Variants in CSMD1 observed in about 807,000 individuals in gnomAD.
CSMD1 encodes CUB and sushi domain-containing protein 1.
A neutral mutation model predicts 417.5 loss-of-function variants in CSMD1; 213 were observed. That is an observed-to-expected ratio of 0.51 (90% CI 0.46 to 0.57). CSMD1 has a LOEUF of 0.57. Among genes scored for constraint, CSMD1 ranks in the 20% least tolerant of loss-of-function variants. The pLI, the probability that CSMD1 is intolerant of heterozygous loss-of-function variation, is 0.00. For missense variants in CSMD1, 6,923 were observed against 4,529.7 expected (o/e 1.53, Z -15.17); for synonymous variants, 2,862 against 1,736.8 (o/e 1.65, Z -16.11).
At chr8:3,933,106 T>A (rs1810267118) in intron 5 of CSMD1, among the ~76,000 whole-genome samples, 1 of 148,996 alleles carries the variant, frequency 6.7e-6, no homozygotes, top group Non-Finnish European at 1.5e-5. Flanking sequence ...TTCCTCTTTA[T>A]ATATCTGGTT....
intron 5 of CSMD1, among the ~76,000 whole-genome samples, chr8:3,846,756 C>T (rs959320137): frequency 6.6e-6 from 1 of 152,124 alleles, no homozygotes; most frequent in Non-Finnish European, 1.5e-5. Context: ...TCACTGCAAC[C>T]TCTGCCTCTC....
At position 4,373,842 on chromosome 8, in the gene CSMD1, T is replaced by TTC. The variant is rs1236518433; in HGVS notation, c.415+46109_415+46110dup. Among the ~76,000 whole-genome samples, 12 of 152,314 alleles carry TTC rather than the reference T, an allele frequency of 7.9e-5. No homozygotes were observed. The East Asian group carries it at 2.3e-3, about 29-fold the overall frequency. ...AAGACAGTACTAGCCAAAGGAGCTT[T>TTC]TCTATGTATATGTATAATTCTTTCT... is the stretch of plus-strand genomic sequence containing the variant. On this transcript the variant is annotated intron_variant, in intron 3 of 69. Transcript: ENST00000635120.
chr8:3,124,118 A>G (rs1365604820), intron 41 of CSMD1, among the ~76,000 whole-genome samples: 1 of 152,214 alleles, frequency 6.6e-6, no homozygotes, highest in Non-Finnish European at 1.5e-5. Context: ...CTCAATGGCA[A>G]CAAAACAATT....
chr8:3,290,269 C>A (rs1447433659), intron 25 of CSMD1, among the ~76,000 whole-genome samples: 1 of 147,158 alleles, frequency 6.8e-6, no homozygotes, highest in Non-Finnish European at 1.5e-5. Context: ...GTGATGCCTC[C>A]AGCTTTGTTC....
chr8:4,512,862 G>C (rs549135553), intron 2 of CSMD1, among the ~76,000 whole-genome samples: 2 of 150,480 alleles, frequency 1.3e-5, no homozygotes, highest in Non-Finnish European at 3.0e-5. Context: ...CAGCTCTTTC[G>C]AACTTTAAAT....
intron 23 of CSMD1, among the ~76,000 whole-genome samples, chr8:3,331,237 C>CAAAAAAAAAAAAAAAAAAAAAAAAAAA (rs112278319): frequency 1.2e-4 from 16 of 128,510 alleles, no homozygotes; most frequent in African/African-American, 4.5e-4. Flanking sequence ...GACTCCGTCT[C>CAAAAAAAAAAAAAAAAAAAAAAAAAAA]AAAAAAAAAA....
chr8:3,514,395 C>G (rs1411783477), intron 10 of CSMD1, among the ~76,000 whole-genome samples: 5 of 152,168 alleles, frequency 3.3e-5, no homozygotes, highest in African/African-American at 1.2e-4. Context: ...AACATGCAAT[C>G]TCTTGGAATG....
intron 11 of CSMD1, among the ~76,000 whole-genome samples, chr8:3,474,670 T>C (rs1036752508): frequency 6.6e-5 from 10 of 152,192 alleles, no homozygotes; most frequent in Admixed American, 4.6e-4. Flanking sequence ...GGGAAATTGG[T>C]TTTGGTATAC....
At chr8:4,188,527 T>C (rs1424316059) in intron 3 of CSMD1, among the ~76,000 whole-genome samples, 2 of 152,166 alleles carry the variant, frequency 1.3e-5, no homozygotes, top group East Asian at 3.9e-4. Flanking sequence ...AATAGTTTAT[T>C]TGAGGCTGTC....
At chr8:4,061,381 G>C (rs776462883) in intron 3 of CSMD1, among the ~76,000 whole-genome samples, 1 of 152,158 alleles carries the variant, frequency 6.6e-6, no homozygotes, top group Non-Finnish European at 1.5e-5. Flanking sequence ...ATGAAATGAA[G>C]TAAGTGCACA....
At chr8:4,090,647 G>C (rs948979355) in intron 3 of CSMD1, among the ~76,000 whole-genome samples, 1 of 152,154 alleles carries the variant, frequency 6.6e-6, no homozygotes, top group East Asian at 1.9e-4. Flanking sequence ...CTGAACTTAA[G>C]TAATTTAAGT....
chr8:3,286,565 C>T (rs1299130206), intron 25 of CSMD1, among the ~76,000 whole-genome samples: 1 of 152,106 alleles, frequency 6.6e-6, no homozygotes, highest in East Asian at 1.9e-4. Context: ...ATTTGCATTT[C>T]TCTGATGGCC....
intron 2 of CSMD1, among the ~76,000 whole-genome samples, chr8:4,516,952 T>C (rs886983989): frequency 2.2e-4 from 33 of 152,314 alleles, no homozygotes; most frequent in African/African-American, 6.7e-4. Flanking sequence ...TCATGTGCTA[T>C]TACTTTTCAC....
Position 4,165,006 on chromosome 8 carries a change from G to T in CSMD1, c.416-132907C>A, listed in dbSNP as rs78219959. On this transcript the variant is annotated intron_variant, in intron 3 of 69. Transcript: ENST00000635120. ...TTATTGTAGAGTTTCCTATGTTCTT[G>T]TATGTTTTTGTCCATGACACCTGAG... Among the ~76,000 whole-genome samples, 4 of 152,202 alleles carry T rather than the reference G, an allele frequency of 2.6e-5. No homozygotes were observed. The South Asian group carries it at 6.2e-4, about 24-fold the overall frequency.
chr8:3,358,988 G>C (rs574264162), intron 21 of CSMD1, among the ~76,000 whole-genome samples, 164 bp downstream of exon 21: 2 of 152,244 alleles, frequency 1.3e-5, no homozygotes, highest in Admixed American at 6.5e-5. Context: ...GCCCAGAGCA[G>C]TTAGGCAGCT....
Position 3,190,020 on chromosome 8 carries a change from G to C in CSMD1, c.5290C>G (p.Arg1764Gly), listed in dbSNP as rs1033663258. 6.3e-7 allele frequency: 1 copy of C among 1,596,014 alleles called. No individual in the cohort carries two copies. The highest frequency in any genetic ancestry group is 1.3e-5 in the African/African-American group (1 of 74,712). The change falls in exon 34 of 70, where the codon CGA becomes GGA. Residue 1764 changes from arginine (R) to glycine (G), a missense_variant. Physicochemically the swap from Arg to Gly is moderately radical, Grantham distance 125. Transcript: ENST00000635120. ...GSEFSAGSIV[R>G]FECNPGYLLQ... ...AGGTATCCCGGGTTGCACTCGAATC[G>C]GACGATGGAGCCGGCAGAAAACTCA...
At chr8:3,470,828 C>T (rs1046047286) in intron 11 of CSMD1, among the ~76,000 whole-genome samples, 5 of 152,122 alleles carry the variant, frequency 3.3e-5, no homozygotes, top group East Asian at 1.9e-4. Context: ...GAAGATTTAT[C>T]CCAGTTGTTG....
chr8:3,524,098 C>CAG (rs551563994), intron 10 of CSMD1, among the ~76,000 whole-genome samples: 11 of 151,014 alleles, frequency 7.3e-5, no homozygotes, highest in African/African-American at 2.7e-4. Context: ...CATGCACACC[C>CAG]AGAGAGACAT....
intron 3 of CSMD1, among the ~76,000 whole-genome samples, chr8:4,380,811 G>C (rs1473851214): frequency 6.6e-6 from 1 of 152,092 alleles, no homozygotes; most frequent in South Asian, 2.1e-4. Flanking sequence ...TGGGAGCAAG[G>C]CACATTAATT....
Sources: allele counts gnomAD v4.1 joint callset (sites outside exome capture counted in the v4.1 genomes callset), GRCh38; gene constraint gnomAD v4.1.1; transcripts MANE v1.5; gene names NCBI Gene and HGNC (gene_info 2026-07-23, HGNC 2026-07-21).